Variants in DAB1 observed in about 807,000 individuals in gnomAD.
The protein encoded by DAB1 is disabled homolog 1.
DAB1 carries 15 observed loss-of-function variants against 64.6 expected under a neutral mutation model. The observed-to-expected ratio is 0.23, with a 90% CI of 0.16 to 0.36. The LOEUF is 0.36. Ranked by LOEUF, DAB1 falls within the 10% of genes least tolerant of loss-of-function variation. DAB1 has a pLI of 1.00. For synonymous variants in DAB1, 235 were observed against 251.9 expected, an observed-to-expected ratio of 0.93 and a Z score of 0.64; for missense variants, 596 against 706.7, an observed-to-expected ratio of 0.84 and a Z score of 1.78.
intron 4 of DAB1, among the ~76,000 whole-genome samples, chr1:58,166,976 G>A (rs1655874130): frequency 6.6e-6 from 1 of 151,132 alleles, no homozygotes; most frequent in African/African-American, 2.4e-5. Context: ...CGAACTTCTG[G>A]CCTCAAGAAA....
At chr1:57,551,937 T>A (rs1043745159) in intron 7 of DAB1, among the ~76,000 whole-genome samples, 4 of 152,160 alleles carry the variant, frequency 2.6e-5, no homozygotes, top group African/African-American at 9.7e-5. Context: ...AATGAATGAC[T>A]TCCCCTAGCA....
intron 6 of DAB1, among the ~76,000 whole-genome samples, chr1:57,705,859 C>G (rs560054020): frequency 1.4e-5 from 2 of 143,074 alleles, no homozygotes; most frequent in Non-Finnish European, 1.5e-5. Context: ...ACTAATGAAT[C>G]AATACAATAC....
intron 7 of DAB1, among the ~76,000 whole-genome samples, chr1:57,575,742 C>G (rs1321234815): frequency 6.6e-6 from 1 of 152,152 alleles, no homozygotes; most frequent in East Asian, 1.9e-4. Flanking sequence ...CTTAGCCAGG[C>G]TGCAGACTGT....
At chr1:57,488,631 G>A (rs1285777941) in intron 7 of DAB1, among the ~76,000 whole-genome samples, 4 of 151,714 alleles carry the variant, frequency 2.6e-5, no homozygotes, top group Non-Finnish European at 2.9e-5. Context: ...AGCCAAGATC[G>A]CATCATTGCA....
intron 5 of DAB1, among the ~76,000 whole-genome samples, chr1:58,003,158 T>C (rs904882612): frequency 5.3e-5 from 8 of 152,284 alleles, no homozygotes; most frequent in East Asian, 3.9e-4. Flanking sequence ...AATGGGTAAA[T>C]GTAAGGATTT....
At chr1:57,928,200 T>G (rs887978220) in intron 5 of DAB1, among the ~76,000 whole-genome samples, 2 of 152,148 alleles carry the variant, frequency 1.3e-5, no homozygotes, top group Non-Finnish European at 2.9e-5. Context: ...TAAACATTGC[T>G]ATCAGCCCAA....
At chr1:58,275,909 G>A (rs1276702541) in intron 4 of DAB1, among the ~76,000 whole-genome samples, 2 of 152,172 alleles carry the variant, frequency 1.3e-5, no homozygotes, top group African/African-American at 2.4e-5. Flanking sequence ...ATAGCTCAAA[G>A]GTGGAAGCAG....
At chr1:57,436,168 C>T (rs1685687428) in intron 7 of DAB1, among the ~76,000 whole-genome samples, 1 of 152,062 alleles carries the variant, frequency 6.6e-6, no homozygotes. Context: ...CCAACCTCCT[C>T]GGCCTCCCAA....
chr1:58,238,555 T>G (rs1410644364), intron 4 of DAB1, among the ~76,000 whole-genome samples: 1 of 152,098 alleles, frequency 6.6e-6, no homozygotes, highest in African/African-American at 2.4e-5. Flanking sequence ...AGGAGGGACT[T>G]TTATGCCATG....
intron 4 of DAB1, among the ~76,000 whole-genome samples, chr1:58,250,576 T>A (rs1283213017): frequency 6.6e-6 from 1 of 152,162 alleles, no homozygotes; most frequent in African/African-American, 2.4e-5. Flanking sequence ...GGGGAGCCCC[T>A]CAGCATTTCG....
intron 5 of DAB1, among the ~76,000 whole-genome samples, chr1:57,939,630 G>A (rs1408207977): frequency 6.6e-6 from 1 of 152,182 alleles, no homozygotes; most frequent in Non-Finnish European, 1.5e-5. Flanking sequence ...GTTGGGGGAG[G>A]CAGAGTCCAT....
chr1:57,807,322 C>A (rs891200341), intron 6 of DAB1, among the ~76,000 whole-genome samples: 14 of 152,228 alleles, frequency 9.2e-5, no homozygotes, highest in African/African-American at 3.1e-4. Flanking sequence ...ATACAATTGG[C>A]AATTGTATCT....
intron 2 of DAB1, among the ~76,000 whole-genome samples, chr1:57,195,647 G>A (rs1196378765): frequency 2.0e-5 from 3 of 152,202 alleles, no homozygotes; most frequent in Non-Finnish European, 4.4e-5. Context: ...CTAGCCAGGT[G>A]GGAAGAACAC....
At chr1:58,033,601 C>T (rs1439666842) in intron 5 of DAB1, among the ~76,000 whole-genome samples, 1 of 152,182 alleles carries the variant, frequency 6.6e-6, no homozygotes, top group Non-Finnish European at 1.5e-5. Flanking sequence ...TACTAGTGTT[C>T]AAGTTCTCAT....
At chr1:58,142,491 T>C (rs1383100415) in intron 5 of DAB1, among the ~76,000 whole-genome samples, 1 of 152,202 alleles carries the variant, frequency 6.6e-6, no homozygotes, top group Non-Finnish European at 1.5e-5. Context: ...CTAGGGGAGA[T>C]GGGCACTGCC....
intron 1 of DAB1, among the ~76,000 whole-genome samples, chr1:57,370,459 T>C (rs1211310522): frequency 6.6e-6 from 1 of 152,206 alleles, no homozygotes; most frequent in African/African-American, 2.4e-5. Context: ...TGCACTTAAC[T>C]ATCTCTAGTT....
At chr1:57,480,926 T>A (rs1056783074) in intron 7 of DAB1, among the ~76,000 whole-genome samples, 3 of 152,206 alleles carry the variant, frequency 2.0e-5, no homozygotes, top group African/African-American at 7.2e-5. Flanking sequence ...TTTCTTTTTC[T>A]TCGTCAAGGG....
At chr1:58,099,717 C>T (rs1029069657) in intron 5 of DAB1, among the ~76,000 whole-genome samples, 1 of 152,170 alleles carries the variant, frequency 6.6e-6, no homozygotes, top group Non-Finnish European at 1.5e-5. Flanking sequence ...TCACTGACTC[C>T]TAATAATGCC....
At chr1:57,631,521 CTT>C (rs530406999) in intron 7 of DAB1, among the ~76,000 whole-genome samples, 145 of 152,226 alleles carry the variant, frequency 9.5e-4, no homozygotes, top group African/African-American at 3.1e-3. Flanking sequence ...GAATATTTAA[CTT>C]AGTGATTTAC....
Sources: allele counts gnomAD v4.1 joint callset (sites outside exome capture counted in the v4.1 genomes callset), GRCh38; gene constraint gnomAD v4.1.1; transcripts MANE v1.5; gene names NCBI Gene and HGNC (gene_info 2026-07-23, HGNC 2026-07-21).